The following SPIDR variants were observed in gnomAD, a reference collection of about 807,000 sequenced individuals.
SPIDR encodes scaffold protein involved in DNA repair.
A neutral mutation model predicts 104.6 loss-of-function variants in SPIDR; 93 were observed. The observed-to-expected ratio is 0.89, with a 90% CI of 0.75 to 1.06. The LOEUF (loss-of-function observed/expected upper bound fraction) is 1.06. Ranked by LOEUF, SPIDR falls within the 50% of genes least tolerant of loss-of-function variation. The pLI, the probability that SPIDR is intolerant of heterozygous loss-of-function variation, is 0.00. For missense variants in SPIDR, 1,154 were observed against 1,111.2 expected, an observed-to-expected ratio of 1.04 and a Z score of -0.55; for synonymous variants, 431 against 416.9, an observed-to-expected ratio of 1.03 and a Z score of -0.41.
intron 5 of SPIDR, among the ~76,000 whole-genome samples, chr8:47,367,551 G>C (rs1554635463): frequency 1.3e-5 from 2 of 152,186 alleles, no homozygotes; most frequent in African/African-American, 4.8e-5. Flanking sequence ...TTGAACAACA[G>C]TTGAAAGTTA....
At chr8:47,393,270 C>T (rs1554653681) in intron 5 of SPIDR, among the ~76,000 whole-genome samples, 1 of 152,138 alleles carries the variant, frequency 6.6e-6, no homozygotes, top group Admixed American at 6.5e-5. Flanking sequence ...TTATTGCATC[C>T]TTTTCCTCAT....
At chr8:47,331,989 C>CTTTTT (rs1289524835) in intron 5 of SPIDR, among the ~76,000 whole-genome samples, 4 of 36,316 alleles carry the variant, frequency 1.1e-4, no homozygotes, top group Non-Finnish European at 2.2e-4. Flanking sequence ...TTTTTTTTCT[C>CTTTTT]TTTTTTTTTT....
chr8:47,626,940 T>C (rs1439877763), intron 10 of SPIDR, among the ~76,000 whole-genome samples: 1 of 152,162 alleles, frequency 6.6e-6, no homozygotes, highest in Non-Finnish European at 1.5e-5. Context: ...CATGCACACG[T>C]ATGTTTATTG....
At chr8:47,691,586 A>G (rs999000471) in intron 11 of SPIDR, among the ~76,000 whole-genome samples, 2 of 152,224 alleles carry the variant, frequency 1.3e-5, no homozygotes, top group African/African-American at 4.8e-5. Context: ...GGGTTTAAGT[A>G]TGAAATTCAC....
intron 14 of SPIDR, 37 bp downstream of exon 14, chr8:47,702,052 TTCTCTCTCTC>T (rs1225834265): frequency 8.5e-7 from 1 of 1,178,140 alleles, no homozygotes; most frequent in African/African-American, 3.3e-5. Flanking sequence ...CTCTCAGCCT[TTCTCTCTCTC>T]TCTCTCTCTC....
intron 8 of SPIDR, among the ~76,000 whole-genome samples, chr8:47,575,687 C>A (rs188102586): frequency 1.3e-5 from 2 of 148,286 alleles, no homozygotes; most frequent in East Asian, 2.0e-4. Context: ...TTCGGCCAGG[C>A]GCAGTGGCTC....
chr8:47,552,525 A>G (rs1417475646), intron 8 of SPIDR, among the ~76,000 whole-genome samples: 2 of 152,108 alleles, frequency 1.3e-5, no homozygotes, highest in Non-Finnish European at 2.9e-5. Context: ...CCATTATGTA[A>G]TGGCCTTCTT....
intron 7 of SPIDR, among the ~76,000 whole-genome samples, chr8:47,435,988 A>G (rs1331897027): frequency 6.6e-6 from 1 of 152,228 alleles, no homozygotes; most frequent in Non-Finnish European, 1.5e-5. Context: ...CTCATCTGCC[A>G]CAAAGGGAGA....
intron 5 of SPIDR, among the ~76,000 whole-genome samples, chr8:47,380,626 G>A (rs1554644966): frequency 6.6e-6 from 1 of 152,022 alleles, no homozygotes; most frequent in Non-Finnish European, 1.5e-5. Context: ...AGGTGGAGGG[G>A]GCTTCTGTAA....
intron 8 of SPIDR, among the ~76,000 whole-genome samples, chr8:47,446,912 C>T (rs1448443660): frequency 6.6e-6 from 1 of 152,046 alleles, no homozygotes; most frequent in African/African-American, 2.4e-5. Context: ...GCAAAGTAAA[C>T]TGAAAACCTT....
chr8:47,635,926 T>G (rs2067852790), intron 10 of SPIDR, among the ~76,000 whole-genome samples: 1 of 152,224 alleles, frequency 6.6e-6, no homozygotes, highest in Non-Finnish European at 1.5e-5. Flanking sequence ...TTTCCTTATA[T>G]GTAGAGAACT....
At chr8:47,266,088 T>C (rs1446470852) in intron 1 of SPIDR, among the ~76,000 whole-genome samples, 2 of 151,552 alleles carry the variant, frequency 1.3e-5, no homozygotes, top group African/African-American at 4.8e-5. Context: ...AAAACTCTCA[T>C]GATTTATCGA....
At chr8:47,728,638 C>T (rs1020509457) in intron 17 of SPIDR, 1 of 284,660 alleles carries the variant, frequency 3.5e-6, no homozygotes. Context: ...CAGGGGGCAG[C>T]CTGACCCCTG....
intron 10 of SPIDR, among the ~76,000 whole-genome samples, chr8:47,600,704 GGTTTTTGTTTTGT>G (rs1243325625): frequency 6.6e-6 from 1 of 152,122 alleles, no homozygotes; most frequent in Non-Finnish European, 1.5e-5. Flanking sequence ...ATCAGACATA[GGTTTTTGTTTTGT>G]GTTTTTGTTT....
chr8:47,696,018 C>T (rs2079283962), intron 11 of SPIDR, among the ~76,000 whole-genome samples: 1 of 152,196 alleles, frequency 6.6e-6, no homozygotes, highest in South Asian at 2.1e-4. Context: ...CCCATCCTCA[C>T]TTCTGAGCTC....
intron 5 of SPIDR, among the ~76,000 whole-genome samples, chr8:47,363,165 T>TA (rs1210749885): frequency 6.6e-6 from 1 of 151,198 alleles, no homozygotes; most frequent in Admixed American, 6.6e-5. Flanking sequence ...AATTAAAAGG[T>TA]ATAGAAATTA....
intron 8 of SPIDR, among the ~76,000 whole-genome samples, chr8:47,478,203 G>A (rs1554724759): frequency 6.6e-6 from 1 of 152,204 alleles, no homozygotes; most frequent in Non-Finnish European, 1.5e-5. Context: ...TTGAGGGTGG[G>A]CTGGGCATCC....
intron 8 of SPIDR, among the ~76,000 whole-genome samples, chr8:47,525,587 G>A (rs1019368711): frequency 2.0e-5 from 3 of 152,088 alleles, no homozygotes; most frequent in African/African-American, 7.2e-5. Context: ...GATCACCTGA[G>A]GTCAGGAGTT....
At chr8:47,371,134 T>G (rs1217293535) in intron 5 of SPIDR, among the ~76,000 whole-genome samples, 6 of 151,944 alleles carry the variant, frequency 3.9e-5, no homozygotes, top group East Asian at 1.9e-4. Context: ...GCAGGTTTTT[T>G]TTTTTTTTTT....
Sources: allele counts gnomAD v4.1 joint callset (sites outside exome capture counted in the v4.1 genomes callset), GRCh38; gene constraint gnomAD v4.1.1; transcripts MANE v1.5; gene names NCBI Gene and HGNC (gene_info 2026-07-23, HGNC 2026-07-21).